CDH22: variants seen among roughly 807,000 people sequenced by gnomAD.
CDH22 encodes the protein cadherin 22, also known as cadherin-22.
Under a neutral mutation model 58.4 loss-of-function variants are expected in CDH22, and 30 were observed. The ratio of observed to expected loss-of-function variants is 0.51; its 90% CI spans 0.38 to 0.70. The LOEUF (loss-of-function observed/expected upper bound fraction) is 0.70. Ranked by LOEUF, CDH22 falls within the 30% of genes least tolerant of loss-of-function variation. CDH22 has a pLI of 0.00. For synonymous variants in CDH22, 513 were observed against 558.2 expected, an observed-to-expected ratio of 0.92 and a Z score of 1.14; for missense variants, 1,014 against 1,233.9, an observed-to-expected ratio of 0.82 and a Z score of 2.67.
chr20:46,219,049 G>A (rs531524217), intron 4 of CDH22, among the ~76,000 whole-genome samples: 2 of 152,322 alleles, frequency 1.3e-5, no homozygotes, highest in African/African-American at 4.8e-5. Context: ...AGGAGAGGCT[G>A]TAGGGCGTGT....
intron 1 of CDH22, among the ~76,000 whole-genome samples, chr20:46,302,133 G>A (rs1013195473): frequency 1.3e-5 from 2 of 152,216 alleles, no homozygotes; most frequent in African/African-American, 4.8e-5. Flanking sequence ...TGGAGTGAGT[G>A]CAGCTTTGCA....
rs1419130011 is a variant in CDH22, at chr20:46,300,044, C to A, written c.-400+8211G>T. ...AGCTAGGGGCAAAGGATTCAGTCTG[C>A]TCTGAGACACCATAGGGCCCTGGGC... is the stretch of plus-strand genomic sequence containing the variant. On this transcript the variant is annotated intron_variant, in intron 1 of 11. Transcript: ENST00000537909. This position sits in a 1 kb window ranked among gnomAD's most constrained non-coding sequence, Gnocchi z 4.4. Among the ~76,000 whole-genome samples the A allele has an allele frequency of 1.3e-5, 2 of 152,196 alleles. No individual in the cohort carries two copies. The highest frequency in any genetic ancestry group is 4.8e-5 in the African/African-American group (2 of 41,444).
intron 2 of CDH22, among the ~76,000 whole-genome samples, chr20:46,246,228 C>G (rs892245927): frequency 6.6e-5 from 10 of 152,172 alleles, no homozygotes; most frequent in Non-Finnish European, 1.3e-4. Context: ...GAAAGCAAAT[C>G]AAATAAAAAG....
At position 46,210,438 on chromosome 20, in the gene CDH22, C is replaced by T; in HGVS notation, c.1155G>A (p.Val385=). 1 of 1,449,428 alleles carries T rather than the reference C, an allele frequency of 6.9e-7. No homozygotes were observed. The highest frequency in any genetic ancestry group is 1.5e-5 in the South Asian group (1 of 68,222). 89.8% of individuals were successfully genotyped at this position (1,449,428 alleles called of 1,614,324 possible). The part of the protein sequence containing the change: ...FRDQAIVRVA[V]TDVDEPPEFR... ...ACTCGGGGGGCTCGTCCACGTCGGTCACGGCCACGCGCACGATCGCCTGGT... is the reference window on the plus strand; with the variant it reads ...ACTCGGGGGGCTCGTCCACGTCGGTTACGGCCACGCGCACGATCGCCTGGT... Residue 385 remains valine, a synonymous_variant, in exon 7 of 12, where the codon GTG becomes GTA. Coordinates refer to ENST00000537909, the MANE Select transcript of CDH22 (RefSeq NM_021248.3). The surrounding 1 kb of genome is among the most constrained non-coding windows in gnomAD (Gnocchi z 4.5).
At chr20:46,198,022 T>C (rs1464624923) in intron 8 of CDH22, among the ~76,000 whole-genome samples, 2 of 152,094 alleles carry the variant, frequency 1.3e-5, no homozygotes, top group Admixed American at 6.5e-5. Context: ...TCAACCATAT[T>C]CCTGTTGTCA....
chr20:46,228,925 C>T (rs971037879), intron 3 of CDH22, among the ~76,000 whole-genome samples: 2 of 152,214 alleles, frequency 1.3e-5, no homozygotes, highest in South Asian at 2.1e-4. Flanking sequence ...CTGGGGCCCT[C>T]GATCATTCCA....
intron 3 of CDH22, among the ~76,000 whole-genome samples, chr20:46,237,388 C>T (rs990896206): frequency 6.6e-6 from 1 of 152,120 alleles, no homozygotes; most frequent in Non-Finnish European, 1.5e-5. Context: ...CTTTCATGTC[C>T]CAAGCTGCGT....
chr20:46,192,915 G>GCC (rs200758518), intron 8 of CDH22, among the ~76,000 whole-genome samples: 14 of 150,084 alleles, frequency 9.3e-5, no homozygotes, highest in East Asian at 3.9e-4. Context: ...CTGTCCCCAT[G>GCC]CCCCCCCCCA....
chr20:46,287,091 A>G (rs1285587436), intron 1 of CDH22, among the ~76,000 whole-genome samples: 1 of 152,158 alleles, frequency 6.6e-6, no homozygotes, highest in African/African-American at 2.4e-5. Flanking sequence ...GGAATTTAAT[A>G]TCAAGCAGAA....
At chr20:46,226,434 T>C (rs2086175920) in intron 4 of CDH22, among the ~76,000 whole-genome samples, 2 of 151,818 alleles carry the variant, frequency 1.3e-5, no homozygotes, top group South Asian at 4.2e-4. Context: ...TAGAGGCACC[T>C]GTCACTATGC....
At chr20:46,281,167 T>TA (rs1600725779) in intron 1 of CDH22, among the ~76,000 whole-genome samples, 1 of 152,340 alleles carries the variant, frequency 6.6e-6, no homozygotes. Flanking sequence ...CATGTCTAAA[T>TA]AGACTTCTGA....
chr20:46,217,904 CTTTTT>C (rs1568662231), intron 4 of CDH22, among the ~76,000 whole-genome samples: 1 of 151,928 alleles, frequency 6.6e-6, no homozygotes, highest in South Asian at 2.1e-4. Context: ...AATACATACA[CTTTTT>C]TTCTTTTTCT....
chr20:46,303,080 C>T (rs989013959), intron 1 of CDH22, among the ~76,000 whole-genome samples: 2 of 152,186 alleles, frequency 1.3e-5, no homozygotes, highest in African/African-American at 2.4e-5. Flanking sequence ...CCGCTGCTCT[C>T]GGGATGAAGG....
At chr20:46,208,698 A>T (rs1426861074) in intron 7 of CDH22, among the ~76,000 whole-genome samples, 2 of 152,090 alleles carry the variant, frequency 1.3e-5, no homozygotes, top group Non-Finnish European at 2.9e-5. Flanking sequence ...GGTTCAAGCG[A>T]TTCTCCTGCC....
intron 4 of CDH22, among the ~76,000 whole-genome samples, chr20:46,223,651 C>CTT (rs1384268217): frequency 9.6e-5 from 14 of 145,468 alleles, no homozygotes; most frequent in Admixed American, 8.2e-4. Context: ...CTTTCTTTCT[C>CTT]TTTCTTTTTC....
At chr20:46,197,629 C>G (rs200766486) in intron 8 of CDH22, among the ~76,000 whole-genome samples, 2 of 152,160 alleles carry the variant, frequency 1.3e-5, no homozygotes, top group Non-Finnish European at 2.9e-5. Context: ...ACCCAGGGAA[C>G]AGGTTTGAGG....
Position 46,250,898 on chromosome 20 carries a change from C to G in CDH22, c.255+142G>C, listed in dbSNP as rs2086367231. ...GGGAGTGGGAATGGGGCTCTGGGCC[C>G]CCTTATCAGTCCTTGGCTAGGGAGC... On this transcript the variant is annotated intron_variant, in intron 2 of 11. Transcript: ENST00000537909. The G allele has an allele frequency of 1.2e-5, 7 of 569,292 alleles. 1 individual carries two copies. In the South Asian group the frequency reaches 1.6e-4, roughly 13 times the overall value. The allele number at this position is 569,292 out of a possible 1,614,324, so 35.3% of individuals were successfully genotyped here.
At chr20:46,185,130 TACACACACACACACAC>T (rs11467388) in intron 10 of CDH22, among the ~76,000 whole-genome samples, 1 of 148,656 alleles carries the variant, frequency 6.7e-6, no homozygotes, top group Non-Finnish European at 1.5e-5. Flanking sequence ...CCCACACGCA[TACACACACACACACAC>T]ACACACACAC....
intron 1 of CDH22, among the ~76,000 whole-genome samples, chr20:46,268,796 C>T (rs2086474121): frequency 6.6e-6 from 1 of 152,218 alleles, no homozygotes; most frequent in Admixed American, 6.5e-5. Context: ...CTCACAATAA[C>T]CATCATTTCC....
Sources: allele counts gnomAD v4.1 joint callset (sites outside exome capture counted in the v4.1 genomes callset), GRCh38; gene constraint gnomAD v4.1.1; non-coding constraint Gnocchi (gnomAD v3.1); transcripts MANE v1.5; gene names NCBI Gene and HGNC (gene_info 2026-07-23, HGNC 2026-07-21).